The following KDM5B variants were observed in gnomAD, a reference collection of about 807,000 sequenced individuals.
KDM5B encodes the protein lysine-specific demethylase 5B.
In KDM5B, 144 loss-of-function variants were observed where a neutral mutation model predicts 193.4. The observed-to-expected ratio is 0.74, with a 90% CI of 0.65 to 0.86. The LOEUF is 0.86. Among genes scored for constraint, KDM5B ranks in the 40% least tolerant of loss-of-function variants. KDM5B has a pLI of 0.00. For missense variants in KDM5B, 1,833 were observed against 1,886.9 expected (o/e 0.97, Z 0.53); for synonymous variants, 668 against 682.6 (o/e 0.98, Z 0.33).
rs768653029 is a variant in KDM5B at position 202,760,532 on chromosome 1, A to G, written c.960T>C (p.Asp320=). 3.5e-5 allele frequency: 56 copies of G among 1,613,244 alleles called. No homozygotes were observed. In the East Asian group the frequency reaches 1.2e-3, roughly 35 times the overall value. Residue 320 remains aspartate (D), a synonymous_variant, in exon 8 of 27, where the codon GAT becomes GAC. Transcript: ENST00000367265. The part of the protein sequence containing the change: ...YVCLLCGSGN[D]EDRLLLCDGC... ...CATCACACAACAGTAGCCGGTCTTC[A>G]TCATTGCCACTGCCACATAAAAGAC...
intron 1 of KDM5B, among the ~76,000 whole-genome samples, chr1:202,782,285 A>C (rs922495929): frequency 6.6e-6 from 1 of 152,166 alleles, no homozygotes; most frequent in South Asian, 2.1e-4. Context: ...AAAAAAATTA[A>C]ATTTATTTGT....
intron 1 of KDM5B, among the ~76,000 whole-genome samples, chr1:202,790,806 ATAGC>A (rs894926786): frequency 2.0e-5 from 3 of 152,146 alleles, no homozygotes; most frequent in African/African-American, 4.8e-5. Context: ...GCCCTTCCAC[ATAGC>A]ATTCAAGGCA....
rs1372233336 is a variant in KDM5B, at chr1:202,726,255, T to A, written c.*2781A>T. 3 of 152,208 alleles carry A rather than the reference T, an allele frequency of 2.0e-5. No individual in the cohort carries two copies. The highest frequency in any genetic ancestry group is 4.4e-5 in the Non-Finnish European group (3 of 68,028). 9.4% of individuals were successfully genotyped at this position (152,208 alleles called of 1,614,324 possible). A position where few individuals can be genotyped will look rare whatever the true frequency, so the allele number is the denominator to read the frequency against. ...AAATTCAGGTTTTTAACAACCTCCA[T>A]CACCACAAGTGGCATCTCTCCTTTA... On this transcript the variant is annotated 3_prime_UTR_variant, in exon 27 of 27. Transcript: ENST00000367265.
At chr1:202,790,200 T>TTGCG (rs1657589886) in intron 1 of KDM5B, among the ~76,000 whole-genome samples, 1 of 150,510 alleles carries the variant, frequency 6.6e-6, no homozygotes, top group Non-Finnish European at 1.5e-5. Flanking sequence ...GAGGTAAAGG[T>TTGCG]TGCGGTAAGC....
chr1:202,803,859 T>C (rs577939670), intron 1 of KDM5B, among the ~76,000 whole-genome samples: 23 of 147,860 alleles, frequency 1.6e-4, no homozygotes, highest in Non-Finnish European at 3.0e-4. Flanking sequence ...CCTAGAACTG[T>C]AGGACTTAAT....
In KDM5B at chr1:202,746,201, A is replaced by G. The variant is rs780036047; in HGVS notation, c.2139T>C (p.Leu713=). The G allele has an allele frequency of 5.8e-5, 94 of 1,613,816 alleles. No individual in the cohort carries two copies. The highest frequency in any genetic ancestry group is 7.7e-5 in the Non-Finnish European group (91 of 1,179,854). The change falls in exon 15 of 27, where the codon CTT becomes CTC. Residue 713 remains leucine, a synonymous_variant. Transcript: ENST00000367265. ...ATTCTTTTACATGATGCAGGCAAAC[A>G]AGAAGGCCAGGTTTACAAGAACAGG... ...AISCSCKPGL[L]VCLHHVKELC...
intron 4 of KDM5B, among the ~76,000 whole-genome samples, chr1:202,771,547 A>C (rs774739789): frequency 3.3e-5 from 5 of 149,560 alleles, no homozygotes; most frequent in Non-Finnish European, 7.4e-5. Flanking sequence ...GAGCCACCGC[A>C]CCCAGCCTAT....
At chr1:202,792,761 T>C (rs12122005) in intron 1 of KDM5B, among the ~76,000 whole-genome samples, 102,351 of 151,922 alleles carry the variant, frequency 0.67, 37,113 homozygotes, top group Admixed American at 0.82. Context: ...TTTGGGAGGC[T>C]GAGGTGGGTG....
intron 1 of KDM5B, among the ~76,000 whole-genome samples, chr1:202,801,432 G>T (rs1046784672): frequency 2.0e-5 from 3 of 152,108 alleles, no homozygotes; most frequent in African/African-American, 7.2e-5. Context: ...GTCAAATTCT[G>T]CATCTTTGTT....
At chr1:202,780,746 G>A (rs1036347663) in intron 1 of KDM5B, among the ~76,000 whole-genome samples, 2 of 146,338 alleles carry the variant, frequency 1.4e-5, no homozygotes, top group Non-Finnish European at 3.0e-5. Flanking sequence ...ACAAAAACAT[G>A]TATTAGGTTG....
intron 1 of KDM5B, among the ~76,000 whole-genome samples, chr1:202,788,576 TG>T (rs1657509724): frequency 1.3e-5 from 2 of 152,160 alleles, no homozygotes; most frequent in Admixed American, 1.3e-4. Flanking sequence ...GTATTGGTAT[TG>T]GTATTGGTAT....
At position 202,756,426 on chromosome 1, in the gene KDM5B, C is replaced by A; in HGVS notation, c.1288G>T (p.Ala430Ser). Residue 430 changes from alanine to serine, a missense_variant, in exon 10 of 27, where the codon GCC becomes TCC. Around this residue, in one of 3 missense-constraint regions of KDM5B, gnomAD observed 1,379 missense variants for 1,349.6 expected, o/e 1.02. Coordinates refer to ENST00000367265, the MANE Select transcript of KDM5B (RefSeq NM_006618.5). ...AAGCCACTGCCAAATTCCTTTGAGG[C>A]AATGTCAGCTCCATATTCCACTGTG... ...DVTVEYGADI[A>S]SKEFGSGFPV... 1 of 1,613,652 alleles carries A rather than the reference C, an allele frequency of 6.2e-7. No homozygotes were observed. Among genetic ancestry groups the A allele is most frequent in the Non-Finnish European group, 8.5e-7 (1 of 1,179,700 alleles).
At chr1:202,788,976 C>A (rs1657525823) in intron 1 of KDM5B, among the ~76,000 whole-genome samples, 1 of 152,118 alleles carries the variant, frequency 6.6e-6, no homozygotes, top group South Asian at 2.1e-4. Flanking sequence ...TGGACTCTGA[C>A]CCCAACCTTG....
In KDM5B at chr1:202,733,881, T is replaced by A. The variant is rs967288133; in HGVS notation, c.3429A>T (p.Ala1143=). 1.2e-6 allele frequency: 2 copies of A among 1,604,268 alleles called. No homozygotes were observed. The highest frequency in any genetic ancestry group is 1.7e-6 in the Non-Finnish European group (2 of 1,175,522). The change falls in exon 23 of 27, where the codon GCA becomes GCT. Residue 1143 remains alanine (A), a synonymous_variant. Transcript: ENST00000367265. ...TESKETASAM[A]TLGEARLREM... ...CCCTTAGGCGAGCTTCCCCAAGAGT[T>A]GCCATCTGAAAAAGAGTTAACAATC...
In KDM5B at chr1:202,782,179, ACT is replaced by A. The variant is rs1448372803; in HGVS notation, c.205-5087_205-5086del. On this transcript the variant is annotated intron_variant, in intron 1 of 26. Coordinates refer to ENST00000367265, the MANE Select transcript of KDM5B (RefSeq NM_006618.5). ...TTGCATGAAAAATGGATCACTACAA[ACT>A]CTGTCATCTCTTCTGGTTATAAAGA... is the stretch of plus-strand genomic sequence containing the variant. Among the ~76,000 whole-genome samples the A allele has an allele frequency of 1.7e-4, 26 of 152,128 alleles. No individual in the cohort carries two copies. The South Asian group carries it at 2.7e-3, about 16-fold the overall frequency.
At chr1:202,759,322 T>C (rs950981967) in intron 8 of KDM5B, among the ~76,000 whole-genome samples, 1 of 152,104 alleles carries the variant, frequency 6.6e-6, no homozygotes, top group Non-Finnish European at 1.5e-5. Context: ...GAGGATCACC[T>C]GAGCTCCGGA....
At chr1:202,730,705 T>G (rs368158656) in intron 25 of KDM5B, among the ~76,000 whole-genome samples, 1 of 152,206 alleles carries the variant, frequency 6.6e-6, no homozygotes, top group Non-Finnish European at 1.5e-5. Context: ...TAGAAGGAAG[T>G]GGCAGCAGCC....
In KDM5B at chr1:202,741,470, G is replaced by T. The variant is rs1339896174; in HGVS notation, c.2842C>A (p.Leu948Met). Residue 948 changes from leucine to methionine, a missense_variant, in exon 19 of 27, where the codon CTG becomes ATG. This residue lies in a region of KDM5B where 1,379 missense variants were observed against 1,349.6 expected (regional missense o/e 1.02). Coordinates refer to ENST00000367265, the MANE Select transcript of KDM5B (RefSeq NM_006618.5). ...TTCTCCACTGCTGAATACGGGGCCA[G>T]CCCTACCCCTAGGTCTATGAGACGT... ...MRRLIDLGVG[L>M]APYSAVEKAM... The T allele has an allele frequency of 6.2e-7, 1 of 1,614,096 alleles. No individual in the cohort carries two copies. The highest frequency in any genetic ancestry group is 8.5e-7 in the Non-Finnish European group (1 of 1,179,932).
intron 1 of KDM5B, among the ~76,000 whole-genome samples, chr1:202,783,904 T>TTTCCTTAGGACTCAAAAATGTA (rs1327505509): frequency 1.1e-4 from 16 of 152,036 alleles, no homozygotes; most frequent in African/African-American, 3.6e-4. Flanking sequence ...GTTGAATTAG[T>TTTCCTTAGGACTCAAAAATGTA]TTCCTTAGGA....
Sources: allele counts gnomAD v4.1 joint callset (sites outside exome capture counted in the v4.1 genomes callset), GRCh38; gene constraint gnomAD v4.1.1; regional missense constraint gnomAD v4.1.1; transcripts MANE v1.5; gene names NCBI Gene and HGNC (gene_info 2026-07-23, HGNC 2026-07-21).